Variants in VPS13B observed in about 807,000 individuals in gnomAD.
VPS13B encodes intermembrane lipid transfer protein VPS13B.
Under a neutral mutation model 426.4 loss-of-function variants are expected in VPS13B, and 285 were observed. The ratio of observed to expected loss-of-function variants is 0.67; its 90% confidence interval spans 0.61 to 0.74. VPS13B has a LOEUF of 0.74. VPS13B is among the 30% of genes least tolerant of loss of function. VPS13B has a pLI of 0.00. For missense variants in VPS13B, 4,537 were observed against 4,782.6 expected (o/e 0.95, Z 1.51); for synonymous variants, 1,676 against 1,676.4 (o/e 1.00, Z 0.01).
At chr8:99,517,751 G>A (rs1822164473) in intron 29 of VPS13B, among the ~76,000 whole-genome samples, 2 of 151,950 alleles carry the variant, frequency 1.3e-5, no homozygotes, top group South Asian at 4.1e-4. Context: ...AGGAAGGAAG[G>A]CATTCATTTT....
intron 2 of VPS13B, among the ~76,000 whole-genome samples, chr8:99,017,222 A>G (rs1019517415): frequency 6.6e-6 from 1 of 152,166 alleles, no homozygotes; most frequent in East Asian, 1.9e-4. Flanking sequence ...TAGTCAGTTG[A>G]TCTATACCAT....
intron 19 of VPS13B, among the ~76,000 whole-genome samples, chr8:99,371,359 T>G (rs567179062): frequency 1.3e-5 from 2 of 152,316 alleles, no homozygotes; most frequent in African/African-American, 4.8e-5. Flanking sequence ...TTCCCGTTGC[T>G]TGTTTTTGTT....
chr8:99,741,729 G>C (rs1409042928), intron 39 of VPS13B, among the ~76,000 whole-genome samples: 1 of 152,252 alleles, frequency 6.6e-6, no homozygotes, highest in South Asian at 2.1e-4. Context: ...TGACTACTGG[G>C]TACATAACGA....
intron 16 of VPS13B, among the ~76,000 whole-genome samples, chr8:99,174,068 T>A (rs1027323820): frequency 6.6e-6 from 1 of 152,188 alleles, no homozygotes; most frequent in Non-Finnish European, 1.5e-5. Flanking sequence ...AATCATTCCA[T>A]ATTTGTCATT....
At chr8:99,264,438 T>A (rs1327562373) in intron 17 of VPS13B, among the ~76,000 whole-genome samples, 1 of 152,138 alleles carries the variant, frequency 6.6e-6, no homozygotes, top group Non-Finnish European at 1.5e-5. Flanking sequence ...TTTTTTCAGG[T>A]CTGACATGTC....
chr8:99,094,874 C>G (rs186479309), intron 3 of VPS13B, among the ~76,000 whole-genome samples: 3 of 152,038 alleles, frequency 2.0e-5, no homozygotes, highest in South Asian at 2.1e-4. Flanking sequence ...ATTCATGGTG[C>G]GCAATGCACT....
At chr8:99,236,437 A>G (rs2132872752) in intron 17 of VPS13B, among the ~76,000 whole-genome samples, 1 of 152,182 alleles carries the variant, frequency 6.6e-6, no homozygotes, top group East Asian at 1.9e-4. Context: ...TTTAGTAGAG[A>G]CAGGGTTTGG....
In VPS13B at chr8:99,299,222, C is replaced by T. The variant is rs1588221983; in HGVS notation, c.2824+23968C>T. The stretch of plus-strand genomic sequence containing the variant: ...GATTACAGGCCCCCACCACTACACC[C>T]GGCTAATTTTTTGTATTTTTAGTAG... On this transcript the variant is annotated intron_variant, in intron 19 of 61. Transcript: ENST00000357162. 2.0e-5 allele frequency among the ~76,000 whole-genome samples: 3 copies of T among 151,840 alleles called. No homozygotes were observed. The South Asian group carries it at 6.3e-4, about 32-fold the overall frequency.
intron 16 of VPS13B, among the ~76,000 whole-genome samples, chr8:99,180,127 T>C (rs973755193): frequency 6.6e-6 from 1 of 152,206 alleles, no homozygotes; most frequent in African/African-American, 2.4e-5. Flanking sequence ...GAATTGTCTG[T>C]TTTAAATTAA....
intron 23 of VPS13B, among the ~76,000 whole-genome samples, chr8:99,449,843 C>T (rs1294549859): frequency 6.6e-6 from 1 of 151,964 alleles, no homozygotes; most frequent in African/African-American, 2.4e-5. Flanking sequence ...GAGTCTCACA[C>T]TGTCACCAGG....
chr8:99,660,066 G>A lies in VPS13B; in HGVS notation c.5909-1288G>A, dbSNP rs115197135. Among the ~76,000 whole-genome samples the A allele has an allele frequency of 9.9e-3, 1,511 of 152,246 alleles. 32 individuals carry two copies. The highest frequency in any genetic ancestry group is 0.035 in the African/African-American group (1,447 of 41,530). On this transcript the variant is annotated intron_variant, in intron 34 of 61. Coordinates refer to ENST00000357162, the MANE Select transcript of VPS13B (RefSeq NM_152564.5). ...GAATAGTACAGTGTTACTATGAAAT[G>A]GATCTACTATGCATATTCTCACTGC...
chr8:99,299,453 G>C (rs1563654514), intron 19 of VPS13B, among the ~76,000 whole-genome samples: 1 of 152,132 alleles, frequency 6.6e-6, no homozygotes, highest in Non-Finnish European at 1.5e-5. Context: ...TGCACATAAA[G>C]TATGTAGTGC....
intron 33 of VPS13B, among the ~76,000 whole-genome samples, chr8:99,600,336 C>T (rs1229228257): frequency 3.9e-5 from 6 of 152,108 alleles, no homozygotes; most frequent in Non-Finnish European, 8.8e-5. Context: ...GGCAGGCACA[C>T]TCTCTCACAT....
intron 3 of VPS13B, among the ~76,000 whole-genome samples, chr8:99,078,194 G>A (rs185184496): frequency 1.6e-3 from 236 of 151,394 alleles, no homozygotes; most frequent in African/African-American, 5.3e-3. Flanking sequence ...GAGAATTAGT[G>A]TGTTGCTTTG....
At chr8:99,660,071 T>C (rs141570575) in intron 34 of VPS13B, among the ~76,000 whole-genome samples, 128 of 152,342 alleles carry the variant, frequency 8.4e-4, no homozygotes, top group South Asian at 2.3e-3. Flanking sequence ...GAAATGGATC[T>C]ACTATGCATA....
chr8:99,373,719 G>A (rs71516834), intron 19 of VPS13B, among the ~76,000 whole-genome samples: 3 of 152,156 alleles, frequency 2.0e-5, no homozygotes, highest in East Asian at 1.9e-4. Context: ...AAAAATAGCC[G>A]GGTATGGTGG....
intron 30 of VPS13B, among the ~76,000 whole-genome samples, chr8:99,528,675 A>G (rs1248467269): frequency 6.6e-6 from 1 of 152,142 alleles, no homozygotes; most frequent in East Asian, 1.9e-4. Flanking sequence ...TATCCTTACA[A>G]CATTCTGTTC....
At chr8:99,593,212 TACAAGAAAAA>T (rs1252275426) in intron 33 of VPS13B, among the ~76,000 whole-genome samples, 1 of 151,394 alleles carries the variant, frequency 6.6e-6, no homozygotes, top group African/African-American at 2.4e-5. Flanking sequence ...TAACCAAATT[TACAAGAAAAA>T]AAACAACCCC....
chr8:99,275,117 A>G lies in VPS13B; in HGVS notation c.2687A>G (p.Gln896Arg), dbSNP rs1269673113. Reference protein sequence around the residue: ...SGKEKLIPLLQGPSDTKDLHS... With the variant: ...SGKEKLIPLLRGPSDTKDLHS... ...AAAGAGAAGTTGATTCCCTTGCTTC[A>G]GGGTCCTTCTGACACTAAAGACCTT... The change falls in exon 19 of 62, where the codon CAG (glutamine) becomes CGG (arginine). Residue 896 changes from glutamine to arginine, a missense_variant. This residue lies in a region of VPS13B where 4,311 missense variants were observed against 4,474.3 expected (regional missense o/e 0.96). Transcript: ENST00000357162. 3.3e-5 allele frequency: 53 copies of G among 1,610,072 alleles called. No homozygotes were observed. Among genetic ancestry groups the G allele is most frequent in the Non-Finnish European group, 4.2e-5 (49 of 1,178,450 alleles).
Sources: gnomAD v4.1 joint callset for allele counts (sites outside exome capture counted in the v4.1 genomes callset) on GRCh38, gnomAD v4.1.1 for gene constraint, gnomAD v4.1.1 regional missense constraint, MANE v1.5 for transcripts, NCBI Gene and HGNC (gene_info 2026-07-23, HGNC 2026-07-21) for gene names.